Variants in SERPING1 observed in about 807,000 individuals in gnomAD.
SERPING1 encodes the protein plasma protease C1 inhibitor.
A neutral mutation model predicts 34.1 loss-of-function variants in SERPING1; 5 were observed. The ratio of observed to expected loss-of-function variants is 0.15; its 90% CI spans 0.08 to 0.31. SERPING1 has a LOEUF of 0.31. Among genes scored for constraint, SERPING1 ranks in the 10% least tolerant of loss-of-function variants. SERPING1 has a pLI of 1.00. For synonymous variants in SERPING1, 225 were observed against 242.4 expected, an observed-to-expected ratio of 0.93 and a Z score of 0.67; for missense variants, 505 against 609.5, an observed-to-expected ratio of 0.83 and a Z score of 1.81.
intron 2 of SERPING1, 112 bp downstream of exon 2, chr11:57,598,433 G>A (rs976343932): frequency 4.9e-5 from 51 of 1,037,472 alleles, no homozygotes; most frequent in Non-Finnish European, 7.0e-5. Flanking sequence ...AATGAGGAGA[G>A]CTCCTCTTGG....
chr11:57,611,980 G>T (rs1945482635), intron 7 of SERPING1, 44 bp downstream of exon 7: 4 of 1,460,062 alleles, frequency 2.7e-6, no homozygotes, highest in Non-Finnish European at 3.8e-6. Context: ...CATCAGAGGA[G>T]AAAGGGGGGA....
chr11:57,600,398 T>C (rs777262554), intron 3 of SERPING1, 21 bp downstream of exon 3: 80 of 1,611,856 alleles, frequency 5.0e-5, no homozygotes, highest in Non-Finnish European at 6.4e-5. Flanking sequence ...GCTTGAATTC[T>C]CTCCAGGTCA....
At chr11:57,612,720 A>G (rs1565173622) in intron 7 of SERPING1, among the ~76,000 whole-genome samples, 1 of 148,502 alleles carries the variant, frequency 6.7e-6, no homozygotes. Flanking sequence ...CCCAGCCCAG[A>G]GACTCCATTT....
chr11:57,604,660 A>AT (rs1322475642), intron 4 of SERPING1, among the ~76,000 whole-genome samples: 2 of 152,072 alleles, frequency 1.3e-5, no homozygotes, highest in Non-Finnish European at 2.9e-5. Flanking sequence ...TAAAAAAAAA[A>AT]GGAAAACTTT....
chr11:57,611,024 TC>T (rs1945471428), intron 6 of SERPING1, among the ~76,000 whole-genome samples: 2 of 151,786 alleles, frequency 1.3e-5, no homozygotes. Flanking sequence ...AGCCTCCACC[TC>T]CCGGGTTCAA....
chr11:57,614,648 G>A lies in SERPING1; in HGVS notation c.*67G>A. The A allele has an allele frequency of 1.3e-6, 2 of 1,572,014 alleles. No homozygotes were observed. The highest frequency in any genetic ancestry group is 1.7e-6 in the Non-Finnish European group (2 of 1,162,966). ...CTCAGCTCTCAGTTGCAGCCCTGCT[G>A]CTGCCTGCCTGGACTTGGCCCCTGC... is the stretch of plus-strand genomic sequence containing the variant. On this transcript the variant is annotated 3_prime_UTR_variant, in exon 8 of 8. Transcript: ENST00000278407.
chr11:57,614,206 C>T, intron 7 of SERPING1, 122 bp from the exon 8 acceptor site: 2 of 1,302,136 alleles, frequency 1.5e-6, no homozygotes, highest in Non-Finnish European at 2.2e-6. Flanking sequence ...ATCTGGCAAA[C>T]AAGGGAAGAG....
At position 57,600,248 on chromosome 11, in the gene SERPING1, G is replaced by A. The variant is rs766192615; in HGVS notation, c.421G>A (p.Val141Met). 1.4e-5 allele frequency: 22 copies of A among 1,614,062 alleles called. No homozygotes were observed. The highest frequency in any genetic ancestry group is 6.6e-5 in the South Asian group (6 of 91,088). ...SDLESHSTEA[V>M]LGDALVDFSL... ...CTTGGAGAGTCATTCAACAGAGGCC[G>A]TGTTGGGGGATGCTTTGGTAGATTT... The change falls in exon 3 of 8, where the codon GTG (valine) becomes ATG (methionine). Residue 141 changes from valine to methionine, a missense_variant. Coordinates refer to ENST00000278407, the MANE Select transcript of SERPING1 (RefSeq NM_000062.3).
chr11:57,598,056 C>T lies in SERPING1; in HGVS notation c.-22-193C>T, dbSNP rs887549942. 16 of 567,876 alleles carry T rather than the reference C, an allele frequency of 2.8e-5. No individual in the cohort carries two copies. In the African/African-American group the frequency reaches 2.9e-4, roughly 10 times the overall value. 35.2% of individuals were successfully genotyped at this position (567,876 alleles called of 1,614,324 possible). On this transcript the variant is annotated intron_variant, in intron 1 of 7. Transcript: ENST00000278407. ...GGGGAGAGGAAGGGCCAGCCGGTGC[C>T]GGGAAAGGGAAGCGGTTTGGGGAAA...
chr11:57,612,981 A>G (rs1210160565), intron 7 of SERPING1, among the ~76,000 whole-genome samples: 1 of 149,624 alleles, frequency 6.7e-6, no homozygotes, highest in Non-Finnish European at 1.5e-5. Context: ...TCCTGGGCTC[A>G]AGTGATCCAC....
At chr11:57,601,878 A>G (rs973767739) in intron 3 of SERPING1, among the ~76,000 whole-genome samples, 157 bp from the exon 4 acceptor site, 193 of 150,226 alleles carry the variant, frequency 1.3e-3, no homozygotes, top group African/African-American at 4.0e-3. Context: ...AAAAAAAAAA[A>G]AAAGAGAGAT....
At chr11:57,602,734 G>A (rs533636326) in intron 4 of SERPING1, among the ~76,000 whole-genome samples, 17 of 142,468 alleles carry the variant, frequency 1.2e-4, no homozygotes, top group Non-Finnish European at 2.1e-4. Context: ...CAGCCTGGGC[G>A]ACAGAGCAAG....
chr11:57,614,687 A>G lies in SERPING1; in HGVS notation c.*106A>G. ...CTTGGCCCCTGCCACCTCCTGCCTC[A>G]GGTGTCCGCTATCCACCAAAAGGGC... is the stretch of plus-strand genomic sequence containing the variant. On this transcript the variant is annotated 3_prime_UTR_variant, in exon 8 of 8. Transcript: ENST00000278407. 3 of 1,361,274 alleles carry G rather than the reference A, an allele frequency of 2.2e-6. No individual in the cohort carries two copies. The highest frequency in any genetic ancestry group is 2.1e-5 in the Admixed American group (1 of 48,712). 84.3% of individuals were successfully genotyped at this position (1,361,274 alleles called of 1,614,324 possible).
At position 57,614,609 on chromosome 11, in the gene SERPING1, G is replaced by A. The variant is rs761601555; in HGVS notation, c.*28G>A. The A allele has an allele frequency of 5.6e-6, 9 of 1,608,166 alleles. No individual in the cohort carries two copies. The South Asian group carries it at 6.6e-5, about 12-fold the overall frequency. On this transcript the variant is annotated 3_prime_UTR_variant, in exon 8 of 8. Coordinates refer to ENST00000278407, the MANE Select transcript of SERPING1 (RefSeq NM_000062.3). ...CCTGCAGGATCAGGTTAGGGCGAGC[G>A]CTACCTCTCCAGCCTCAGCTCTCAG...
chr11:57,611,557 G>C, intron 6 of SERPING1, 160 bp from the exon 7 acceptor site: 1 of 735,542 alleles, frequency 1.4e-6, no homozygotes. Context: ...CACCCAGCTG[G>C]TATCCCCATT....
intron 4 of SERPING1, chr11:57,605,475 C>T (rs1427467824): frequency 4.1e-5 from 7 of 172,282 alleles, no homozygotes; most frequent in Admixed American, 3.3e-4. Flanking sequence ...CAGTGATCCA[C>T]CCACCTTGGC....
intron 1 of SERPING1, 70 bp from the exon 2 acceptor site, chr11:57,598,179 G>T: frequency 8.1e-7 from 1 of 1,235,522 alleles, no homozygotes; most frequent in Non-Finnish European, 1.1e-6. Flanking sequence ...ATGGGGGCGG[G>T]CCCCGGGCGG....
chr11:57,611,557 G>T (rs1047064599), intron 6 of SERPING1, 160 bp from the exon 7 acceptor site: 1 of 735,542 alleles, frequency 1.4e-6, no homozygotes, highest in Admixed American at 2.0e-5. Context: ...CACCCAGCTG[G>T]TATCCCCATT....
chr11:57,598,055 C>A, intron 1 of SERPING1, 194 bp from the exon 2 acceptor site: 1 of 566,398 alleles, frequency 1.8e-6, no homozygotes. Context: ...CCAGCCGGTG[C>A]CGGGAAAGGG....
Sources: gnomAD v4.1 joint callset for allele counts (sites outside exome capture counted in the v4.1 genomes callset) on GRCh38, gnomAD v4.1.1 for gene constraint, MANE v1.5 for transcripts, NCBI Gene and HGNC (gene_info 2026-07-23, HGNC 2026-07-21) for gene names.